Variants in MYOF observed in about 807,000 individuals in gnomAD.
The protein encoded by MYOF is fer-1-like 3, myoferlin.
A neutral mutation model predicts 284.2 loss-of-function variants in MYOF; 244 were observed. The ratio of observed to expected loss-of-function variants is 0.86; its 90% CI spans 0.77 to 0.95. The LOEUF (loss-of-function observed/expected upper bound fraction) is 0.95, where lower values mean the gene tolerates loss of function less well. Among genes scored for constraint, MYOF ranks in the 40% least tolerant of loss-of-function variants. The probability of loss-of-function intolerance (pLI) is 0.00; values close to 1 mark genes in which losing one functional copy is unlikely to be tolerated. For missense variants in MYOF, 2,496 were observed against 2,560.6 expected (o/e 0.97, Z 0.54); for synonymous variants, 904 against 919.7 (o/e 0.98, Z 0.31).
At chr10:93,434,548 CTCAG>C (rs1849028016) in intron 3 of MYOF, among the ~76,000 whole-genome samples, 2 of 151,588 alleles carry the variant, frequency 1.3e-5, no homozygotes, top group South Asian at 4.2e-4. Flanking sequence ...GAAATTAATT[CTCAG>C]TCAATGCTGA....
At chr10:93,323,961 A>G (rs1842940764) in intron 46 of MYOF, among the ~76,000 whole-genome samples, 1 of 152,244 alleles carries the variant, frequency 6.6e-6, no homozygotes, top group South Asian at 2.1e-4. Context: ...AGCTCAAACA[A>G]TGATAATATT....
chr10:93,308,753 C>G (rs1434193749), intron 53 of MYOF, among the ~76,000 whole-genome samples: 5 of 151,884 alleles, frequency 3.3e-5, no homozygotes, highest in Non-Finnish European at 7.4e-5. Context: ...ACTTCTTCAT[C>G]CAGGTTGGAG....
rs1297927506 is a variant in MYOF, at chr10:93,423,831, T to TA, written c.433+2239dup. On this transcript the variant is annotated intron_variant, in intron 5 of 53. Transcript: ENST00000359263. Reference sequence around the variant, plus strand: ...CTGGGCGACAGAGCCAGACTCTGTCTAAAAAAAAAAAAAACAAACCAAAAA... The same window carrying TA: ...CTGGGCGACAGAGCCAGACTCTGTCTAAAAAAAAAAAAAAACAAACCAAAAA... 3.5e-3 allele frequency among the ~76,000 whole-genome samples: 428 copies of TA among 122,086 alleles called. 1 individual carries two copies. The highest frequency in any genetic ancestry group is 6.1e-3 in the African/African-American group (201 of 33,200). The allele number at this position is 122,086 out of a possible 152,430, so 80.1% of individuals were successfully genotyped here. A position where few individuals can be genotyped will look rare whatever the true frequency, so the allele number is the denominator to read the frequency against.
chr10:93,371,301 T>C (rs1341794617), intron 24 of MYOF, among the ~76,000 whole-genome samples: 1 of 152,238 alleles, frequency 6.6e-6, no homozygotes, highest in Non-Finnish European at 1.5e-5. Context: ...TTTAGTGTTA[T>C]ATCAAAGATG....
rs746055070 is a variant in MYOF at position 93,347,768 on chromosome 10, C to T, written c.4098G>A (p.Glu1366=). The change falls in exon 37 of 54, where the codon GAG becomes GAA. Residue 1366 remains glutamate (E), a synonymous_variant. Transcript: ENST00000359263. ...TCACCAGTGGGGGCATGTACAATTC[C>T]TCCTTGGGCAAGAACTGGGGGTCAC... ...VLFMKVFLPK[E]ELYMPPLVIK... The T allele has an allele frequency of 1.2e-6, 2 of 1,611,902 alleles. No individual in the cohort carries two copies. The highest frequency in any genetic ancestry group is 1.7e-6 in the Non-Finnish European group (2 of 1,178,622).
chr10:93,333,709 G>A, intron 42 of MYOF, 49 bp downstream of exon 42: 2 of 1,595,316 alleles, frequency 1.3e-6, no homozygotes, highest in South Asian at 1.1e-5. Flanking sequence ...TGTGGCTGAT[G>A]ACTGTAATTA....
At chr10:93,430,379 C>T (rs548387183) in intron 4 of MYOF, among the ~76,000 whole-genome samples, 63 of 151,660 alleles carry the variant, frequency 4.2e-4, no homozygotes, top group South Asian at 2.1e-4. Context: ...GTCAGGAGTT[C>T]GAGACCAGCC....
rs370308248 is a variant in MYOF at position 93,341,887 on chromosome 10, C to T, written c.4327-1723G>A. ...CCAAGGTCCCACAGTCCCAGGCAGCCTCATGCATTTGCTTATCATACATAC... is the reference window on the plus strand; with the variant it reads ...CCAAGGTCCCACAGTCCCAGGCAGCTTCATGCATTTGCTTATCATACATAC... On this transcript the variant is annotated intron_variant, in intron 38 of 53. Coordinates refer to ENST00000359263, the MANE Select transcript of MYOF (RefSeq NM_013451.4). The T allele has an allele frequency of 2.6e-5, 34 of 1,286,956 alleles. No individual in the cohort carries two copies. The African/African-American group carries it at 2.7e-4, about 10-fold the overall frequency. 79.7% of individuals were successfully genotyped at this position (1,286,956 alleles called of 1,614,324 possible). A position where few individuals can be genotyped will look rare whatever the true frequency, so the allele number is the denominator to read the frequency against.
chr10:93,454,259 T>C (rs2056677184), intron 2 of MYOF, among the ~76,000 whole-genome samples: 2 of 152,164 alleles, frequency 1.3e-5, no homozygotes, highest in African/African-American at 4.8e-5. Flanking sequence ...TCATTTGTGT[T>C]TGGTTTCAAT....
At chr10:93,436,277 G>A (rs1380977970) in intron 3 of MYOF, among the ~76,000 whole-genome samples, 1 of 152,140 alleles carries the variant, frequency 6.6e-6, no homozygotes, top group Non-Finnish European at 1.5e-5. Context: ...GTATCCGCTA[G>A]TTTCCCTTCC....
intron 5 of MYOF, among the ~76,000 whole-genome samples, chr10:93,413,669 C>T (rs555742625): frequency 9.8e-5 from 15 of 152,342 alleles, no homozygotes; most frequent in Non-Finnish European, 1.3e-4. Flanking sequence ...GGAAGTCCCA[C>T]AAACTGGGTG....
chr10:93,454,665 C>A (rs998234280), intron 2 of MYOF, among the ~76,000 whole-genome samples: 2 of 152,068 alleles, frequency 1.3e-5, no homozygotes, highest in Non-Finnish European at 2.9e-5. Flanking sequence ...CTGCCTGAGA[C>A]CTGCTGGGCG....
intron 39 of MYOF, chr10:93,338,534 T>A (rs1441459813): frequency 4.4e-6 from 2 of 456,398 alleles, no homozygotes; most frequent in African/African-American, 2.0e-5. Flanking sequence ...CCTGCCTCCA[T>A]GTACCTCCAA....
chr10:93,369,769 T>A lies in MYOF; in HGVS notation c.2465A>T (p.Gln822Leu). The part of the protein sequence containing the change: ...KTQTIFLKYP[Q>L]EKNNGPKVPV... ...CACCTTTGGCCCGTTGTTTTTCTCCTGTGGATACTGTGAGATGAACAATAG... is the reference window on the plus strand; with the variant it reads ...CACCTTTGGCCCGTTGTTTTTCTCCAGTGGATACTGTGAGATGAACAATAG... Residue 822 changes from glutamine to leucine, a missense_variant, in exon 25 of 54, where the codon CAG becomes CTG. This residue lies in a region of MYOF where 2,436 missense variants were observed against 2,480.7 expected (regional missense o/e 0.98). Coordinates refer to ENST00000359263, the MANE Select transcript of MYOF (RefSeq NM_013451.4). 1.2e-6 allele frequency: 2 copies of A among 1,614,180 alleles called. No homozygotes were observed. The highest frequency in any genetic ancestry group is 1.7e-6 in the Non-Finnish European group (2 of 1,180,020).
chr10:93,361,246 G>A (rs1418062125), intron 28 of MYOF, among the ~76,000 whole-genome samples: 1 of 152,194 alleles, frequency 6.6e-6, no homozygotes, highest in Non-Finnish European at 1.5e-5. Flanking sequence ...GAGCTCAGGT[G>A]GTAATGCTCA....
chr10:93,473,100 A>C (rs768769725), intron 1 of MYOF, among the ~76,000 whole-genome samples: 2 of 152,224 alleles, frequency 1.3e-5, no homozygotes, highest in Non-Finnish European at 2.9e-5. Flanking sequence ...GTGAAAATTA[A>C]TTTTTCGAAT....
intron 12 of MYOF, among the ~76,000 whole-genome samples, chr10:93,400,329 CT>C (rs1163947322): frequency 1.2e-4 from 12 of 98,716 alleles, no homozygotes; most frequent in African/African-American, 3.8e-4. Flanking sequence ...TCTTCTTCTT[CT>C]TTTTTTTTTT....
At chr10:93,409,067 G>C in intron 6 of MYOF, 152 bp from the exon 7 acceptor site, 2 of 1,170,130 alleles carry the variant, frequency 1.7e-6, no homozygotes, top group South Asian at 3.0e-5. Flanking sequence ...CAATTGGGTG[G>C]AGCCACCTAG....
chr10:93,393,244 C>T (rs189394778), intron 16 of MYOF, among the ~76,000 whole-genome samples: 8 of 152,306 alleles, frequency 5.3e-5, no homozygotes, highest in South Asian at 2.1e-4. Context: ...GGGGGCCTGG[C>T]GAAGTTACCA....
Sources: gnomAD v4.1 joint callset for allele counts (sites outside exome capture counted in the v4.1 genomes callset) on GRCh38, gnomAD v4.1.1 for gene constraint, gnomAD v4.1.1 regional missense constraint, MANE v1.5 for transcripts, NCBI Gene and HGNC (gene_info 2026-07-23, HGNC 2026-07-21) for gene names.